RAB11FIP2: variants seen among roughly 807,000 people sequenced by gnomAD.
The protein encoded by RAB11FIP2 is RAB11 family interacting protein 2, also known as rab11 family-interacting protein 2.
A neutral mutation model predicts 40.9 loss-of-function variants in RAB11FIP2; 16 were observed. The observed-to-expected ratio is 0.39, with a 90% CI of 0.26 to 0.59. RAB11FIP2 has a LOEUF of 0.59. Among genes scored for constraint, RAB11FIP2 ranks in the 20% least tolerant of loss-of-function variants. The pLI is 0.53. For missense variants in RAB11FIP2, 532 were observed against 606.2 expected (o/e 0.88, Z 1.28); for synonymous variants, 228 against 213.7 (o/e 1.07, Z -0.58).
Position 118,039,044 on chromosome 10 carries a change from T to C in RAB11FIP2, c.1193A>G (p.Asp398Gly). ...SPNAFSENRQ[D>G]YFDYESTNPF... ...ATTGGTTGACTCATAATCAAAATAG[T>C]CCTGGCGATTTTCACTAAATGCATT... The change falls in exon 3 of 5, where the codon GAC becomes GGC. Residue 398 changes from aspartate to glycine, a missense_variant. Transcript: ENST00000355624. The C allele has an allele frequency of 6.2e-7, 1 of 1,613,010 alleles. No homozygotes were observed. The highest frequency in any genetic ancestry group is 8.5e-7 in the Non-Finnish European group (1 of 1,179,574).
intron 3 of RAB11FIP2, among the ~76,000 whole-genome samples, chr10:118,027,758 AATGAT>A (rs1846362013): frequency 6.6e-6 from 1 of 152,218 alleles, no homozygotes; most frequent in Non-Finnish European, 1.5e-5. Context: ...ATAAACAGCT[AATGAT>A]ATAATAGTAT....
intron 3 of RAB11FIP2, among the ~76,000 whole-genome samples, chr10:118,019,427 G>C (rs1302171083): frequency 6.6e-6 from 1 of 152,180 alleles, no homozygotes; most frequent in African/African-American, 2.4e-5. Flanking sequence ...TCCTTATTGT[G>C]TATGGCAAAT....
intron 3 of RAB11FIP2, among the ~76,000 whole-genome samples, chr10:118,030,795 C>A (rs554044606): frequency 1.3e-5 from 2 of 151,974 alleles, no homozygotes; most frequent in South Asian, 4.1e-4. Context: ...AGAGTTAGCA[C>A]AAGGATGGCA....
chr10:118,022,684 A>G (rs1307889811), intron 3 of RAB11FIP2, among the ~76,000 whole-genome samples: 1 of 152,230 alleles, frequency 6.6e-6, no homozygotes, highest in African/African-American at 2.4e-5. Flanking sequence ...CTGTGTATCT[A>G]TCTTACCCCT....
intron 4 of RAB11FIP2, among the ~76,000 whole-genome samples, chr10:118,010,353 T>C (rs1846141300): frequency 6.6e-6 from 1 of 152,164 alleles, no homozygotes; most frequent in South Asian, 2.1e-4. Context: ...AAATTGGTTT[T>C]CTTGCTGTTA....
chr10:118,043,667 T>C (rs1291333752), intron 1 of RAB11FIP2: 1 of 152,204 alleles, frequency 6.6e-6, no homozygotes, highest in African/African-American at 2.4e-5. Context: ...AGTGTCAAAA[T>C]GTAAAAAGTG....
At chr10:118,020,995 CT>C (rs911177938) in intron 3 of RAB11FIP2, among the ~76,000 whole-genome samples, 17 of 149,994 alleles carry the variant, frequency 1.1e-4, no homozygotes, top group Admixed American at 2.0e-4. Flanking sequence ...CTTATTTTAA[CT>C]TTTTTTTTTC....
chr10:118,022,389 T>C (rs142696990), intron 3 of RAB11FIP2, among the ~76,000 whole-genome samples: 53 of 152,302 alleles, frequency 3.5e-4, no homozygotes, highest in African/African-American at 9.6e-4. Context: ...ACCTCATTAT[T>C]CGTCTGTCAA....
chr10:118,018,948 T>C (rs1291808112), intron 3 of RAB11FIP2, among the ~76,000 whole-genome samples: 2 of 151,930 alleles, frequency 1.3e-5, no homozygotes, highest in Admixed American at 6.6e-5. Context: ...TAAACATATA[T>C]ATTCTTTTGG....
chr10:118,030,035 T>C (rs1846394168), intron 3 of RAB11FIP2, among the ~76,000 whole-genome samples: 1 of 152,160 alleles, frequency 6.6e-6, no homozygotes. Flanking sequence ...CAAGGTTAAT[T>C]TGCAATAGGC....
chr10:118,042,353 C>CTTA (rs1224796628), intron 1 of RAB11FIP2, among the ~76,000 whole-genome samples: 1 of 152,078 alleles, frequency 6.6e-6, no homozygotes, highest in African/African-American at 2.4e-5. Context: ...TCTACTTTAA[C>CTTA]ATCTTTATTT....
intron 3 of RAB11FIP2, among the ~76,000 whole-genome samples, chr10:118,029,850 A>T (rs1846391749): frequency 6.6e-6 from 1 of 152,192 alleles, no homozygotes; most frequent in African/African-American, 2.4e-5. Context: ...TCAAATTTAC[A>T]CAGGAAATAA....
At chr10:118,023,825 C>T (rs1486975884) in intron 3 of RAB11FIP2, among the ~76,000 whole-genome samples, 2 of 152,140 alleles carry the variant, frequency 1.3e-5, no homozygotes, top group Admixed American at 6.5e-5. Flanking sequence ...GAAATAGGGG[C>T]TCACGCCTGT....
intron 3 of RAB11FIP2, chr10:118,017,468 T>C (rs903920253): frequency 1.3e-5 from 2 of 152,176 alleles, no homozygotes; most frequent in Admixed American, 1.3e-4. Context: ...TAAAATGACA[T>C]GAAGGATATG....
At chr10:118,028,321 T>C (rs1846370292) in intron 3 of RAB11FIP2, among the ~76,000 whole-genome samples, 1 of 150,436 alleles carries the variant, frequency 6.6e-6, no homozygotes, top group Admixed American at 6.6e-5. Flanking sequence ...GATTTTAATA[T>C]TTATAAGTAT....
At chr10:118,042,958 T>C (rs1160640834) in intron 1 of RAB11FIP2, among the ~76,000 whole-genome samples, 1 of 152,198 alleles carries the variant, frequency 6.6e-6, no homozygotes, top group Non-Finnish European at 1.5e-5. Context: ...TCTTCAAGAA[T>C]CATTTCAGAG....
intron 3 of RAB11FIP2, among the ~76,000 whole-genome samples, chr10:118,032,237 T>C (rs900186804): frequency 2.4e-4 from 36 of 152,050 alleles, no homozygotes; most frequent in African/African-American, 8.7e-4. Flanking sequence ...ATGGGTAGCA[T>C]ACAAATAGAA....
intron 3 of RAB11FIP2, among the ~76,000 whole-genome samples, chr10:118,036,038 G>A (rs558423711): frequency 6.6e-6 from 1 of 151,854 alleles, no homozygotes; most frequent in African/African-American, 2.4e-5. Flanking sequence ...TTCTTCAGGC[G>A]GACTTTACTT....
intron 3 of RAB11FIP2, among the ~76,000 whole-genome samples, chr10:118,016,683 T>G (rs916320490): frequency 6.6e-6 from 1 of 152,068 alleles, no homozygotes; most frequent in Non-Finnish European, 1.5e-5. Flanking sequence ...AAAAACAAAA[T>G]GATATACACT....
Sources: allele counts gnomAD v4.1 joint callset (sites outside exome capture counted in the v4.1 genomes callset), GRCh38; gene constraint gnomAD v4.1.1; transcripts MANE v1.5; gene names NCBI Gene and HGNC (gene_info 2026-07-23, HGNC 2026-07-21).